The following ZNF33A variants were observed in gnomAD, a reference collection of about 807,000 sequenced individuals.
ZNF33A encodes the protein zinc finger protein 33A.
ZNF33A carries 9 observed loss-of-function variants against 15.9 expected under a neutral mutation model. The ratio of observed to expected loss-of-function variants is 0.57; its 90% CI spans 0.34 to 0.99. The LOEUF is 0.99. Among genes scored for constraint, ZNF33A ranks in the 50% least tolerant of loss-of-function variants. The pLI, the probability that ZNF33A is intolerant of heterozygous loss-of-function variation, is 0.02. For synonymous variants in ZNF33A, 294 were observed against 324.2 expected, an observed-to-expected ratio of 0.91 and a Z score of 1.00; for missense variants, 843 against 941.6, an observed-to-expected ratio of 0.90 and a Z score of 1.37.
intron 4 of ZNF33A, among the ~76,000 whole-genome samples, chr10:38,037,613 T>C (rs188756169): frequency 5.9e-5 from 9 of 152,312 alleles, no homozygotes; most frequent in African/African-American, 2.2e-4. Flanking sequence ...TGTGAACTAC[T>C]GTGCCCAGCC....
intron 4 of ZNF33A, among the ~76,000 whole-genome samples, chr10:38,052,282 A>C (rs546711591): frequency 6.6e-6 from 1 of 152,176 alleles, no homozygotes; most frequent in Non-Finnish European, 1.5e-5. Flanking sequence ...AGGTGGCAGG[A>C]GAAAAATATG....
At chr10:38,021,556 G>A (rs1434612323) in intron 4 of ZNF33A, among the ~76,000 whole-genome samples, 5 of 152,120 alleles carry the variant, frequency 3.3e-5, no homozygotes, top group Non-Finnish European at 5.9e-5. Context: ...TAGGAGAATC[G>A]CTTGAACTGG....
chr10:38,024,072 A>C (rs2064869015), intron 4 of ZNF33A, among the ~76,000 whole-genome samples: 1 of 150,268 alleles, frequency 6.7e-6, no homozygotes, highest in African/African-American at 2.5e-5. Flanking sequence ...GAATTGCTTC[A>C]ACCTGGAAGG....
rs2066499939 is a variant in ZNF33A, at chr10:38,056,639, C to T, written c.*79C>T. 2 of 1,476,064 alleles carry T rather than the reference C, an allele frequency of 1.4e-6. No individual in the cohort carries two copies. Among genetic ancestry groups the T allele is most frequent in the Non-Finnish European group, 1.8e-6 (2 of 1,119,960 alleles). The allele number at this position is 1,476,064 out of a possible 1,614,324, so 91.4% of individuals were successfully genotyped here. A position where few individuals can be genotyped will look rare whatever the true frequency, so the allele number is the denominator to read the frequency against. On this transcript the variant is annotated 3_prime_UTR_variant, in exon 5 of 5. Transcript: ENST00000432900. ...ATAGACTACAACAATTATAGGACAG[C>T]TTTTGTTAGGAAGTGATATTCTATG...
At chr10:38,062,621 T>C (rs2066668041), downstream of ZNF33A, among the ~76,000 whole-genome samples, 1 of 152,128 alleles carries the variant, frequency 6.6e-6, no homozygotes, top group Non-Finnish European at 1.5e-5. Context: ...ATCTGAAGGA[T>C]TGCTTGAGCC....
At chr10:38,038,742 T>C (rs1412004534) in intron 4 of ZNF33A, among the ~76,000 whole-genome samples, 2 of 152,214 alleles carry the variant, frequency 1.3e-5, no homozygotes, top group African/African-American at 4.8e-5. Context: ...TTAATCAGGC[T>C]GAGGAAGTTT....
Position 38,056,892 on chromosome 10 carries a change from T to C in ZNF33A, c.*332T>C. The stretch of plus-strand genomic sequence containing the variant: ...AGGGCACCTAACAATAATTTATAGA[T>C]GTATATTGTGGAATGTAAAGCTTTA... On this transcript the variant is annotated 3_prime_UTR_variant, in exon 5 of 5. Coordinates refer to ENST00000432900, the MANE Select transcript of ZNF33A (RefSeq NM_006954.2). 6 of 993,326 alleles carry C rather than the reference T, an allele frequency of 6.0e-6. 1 individual carries two copies. In the South Asian group the frequency reaches 2.7e-4, roughly 44 times the overall value. The allele number at this position is 993,326 out of a possible 1,614,324, so 61.5% of individuals were successfully genotyped here. A position where few individuals can be genotyped will look rare whatever the true frequency, so the allele number is the denominator to read the frequency against.
rs1309396230 is a variant in ZNF33A, at chr10:38,059,994, G to T, written c.*3434G>T. On this transcript the variant is annotated 3_prime_UTR_variant, in exon 5 of 5. Coordinates refer to ENST00000432900, the MANE Select transcript of ZNF33A (RefSeq NM_006954.2). ...CTCTATACTTTTTGCTCAACTTTCTGTAACCCTAAAGCTACTCTAAAAAAT... is the reference window on the plus strand; with the variant it reads ...CTCTATACTTTTTGCTCAACTTTCTTTAACCCTAAAGCTACTCTAAAAAAT... 1 of 941,864 alleles carries T rather than the reference G, an allele frequency of 1.1e-6. No homozygotes were observed. The highest frequency in any genetic ancestry group is 1.8e-5 in the African/African-American group (1 of 56,352). The allele number at this position is 941,864 out of a possible 1,614,324, so 58.3% of individuals were successfully genotyped here. A position where few individuals can be genotyped will look rare whatever the true frequency, so the allele number is the denominator to read the frequency against.
intron 4 of ZNF33A, among the ~76,000 whole-genome samples, chr10:38,021,345 GA>G (rs988023958): frequency 6.7e-6 from 1 of 149,744 alleles, no homozygotes; most frequent in Non-Finnish European, 1.5e-5. Flanking sequence ...TGATTGAGCT[GA>G]AAAGAGAAAA....
At chr10:38,012,406 A>G in intron 2 of ZNF33A, 56 bp downstream of exon 2, 2 of 1,405,760 alleles carry the variant, frequency 1.4e-6, no homozygotes, top group South Asian at 1.2e-5. Flanking sequence ...TGAGATTTGT[A>G]AGAGTCGATA....
chr10:38,050,635 G>C (rs532113539), intron 4 of ZNF33A, among the ~76,000 whole-genome samples: 1 of 152,198 alleles, frequency 6.6e-6, no homozygotes. Context: ...TGTGTGGGTA[G>C]CCAGGGCCAT....
chr10:38,028,844 T>G (rs887904758), intron 4 of ZNF33A, among the ~76,000 whole-genome samples: 4 of 152,212 alleles, frequency 2.6e-5, no homozygotes, highest in Non-Finnish European at 5.9e-5. Context: ...TTTTTAGATA[T>G]TGCCTTTGTA....
intron 4 of ZNF33A, among the ~76,000 whole-genome samples, chr10:38,037,508 T>C (rs1303109550): frequency 1.3e-5 from 2 of 151,946 alleles, no homozygotes; most frequent in Non-Finnish European, 2.9e-5. Flanking sequence ...GTATTTTTAG[T>C]AGAGATGGAG....
intron 4 of ZNF33A, among the ~76,000 whole-genome samples, chr10:38,029,191 T>C (rs1273637317): frequency 2.6e-5 from 4 of 152,224 alleles, no homozygotes; most frequent in Admixed American, 1.3e-4. Flanking sequence ...AGTTTGTTTT[T>C]ATTTCATCTT....
chr10:38,047,190 CAAAAAAAAAA>C (rs61278605), intron 4 of ZNF33A, among the ~76,000 whole-genome samples: 146 of 64,054 alleles, frequency 2.3e-3, no homozygotes, highest in South Asian at 0.02. Flanking sequence ...CCACCCCTGC[CAAAAAAAAAA>C]AAAAAAAAAA....
intron 4 of ZNF33A, among the ~76,000 whole-genome samples, chr10:38,043,547 G>GT (rs1406651040): frequency 1.3e-5 from 2 of 151,574 alleles, no homozygotes; most frequent in Non-Finnish European, 2.9e-5. Context: ...GTCAAATTCT[G>GT]TAAGTCTTAG....
At chr10:38,028,110 A>T (rs1028746124) in intron 4 of ZNF33A, among the ~76,000 whole-genome samples, 1 of 151,990 alleles carries the variant, frequency 6.6e-6, no homozygotes, top group African/African-American at 2.4e-5. Flanking sequence ...CTACAAAAAA[A>T]TAAAATAAAT....
At chr10:38,053,334 C>G (rs2066297806) in intron 4 of ZNF33A, among the ~76,000 whole-genome samples, 1 of 151,994 alleles carries the variant, frequency 6.6e-6, no homozygotes, top group African/African-American at 2.4e-5. Context: ...CTCACACAGC[C>G]TTTTCTCTGT....
At position 38,055,973 on chromosome 10, in the gene ZNF33A, G is replaced by A. The variant is rs748951258; in HGVS notation, c.1849G>A (p.Ala617Thr). 1 of 1,613,240 alleles carries A rather than the reference G, an allele frequency of 6.2e-7. No homozygotes were observed. Among genetic ancestry groups the A allele is most frequent in the Non-Finnish European group, 8.5e-7 (1 of 1,179,822 alleles). Reference sequence around the variant, plus strand: ...CTATGAATGTAATGAATGTGGAAAAGCCTTCTACCAGAAGTCACAACTCAC... The same window carrying A: ...CTATGAATGTAATGAATGTGGAAAAACCTTCTACCAGAAGTCACAACTCAC... ...KPYECNECGK[A>T]FYQKSQLTQH... The change falls in exon 5 of 5, where the codon GCC becomes ACC. Residue 617 changes from alanine to threonine, a missense_variant. Coordinates refer to ENST00000432900, the MANE Select transcript of ZNF33A (RefSeq NM_006954.2).
Sources: gnomAD v4.1 joint callset for allele counts (sites outside exome capture counted in the v4.1 genomes callset) on GRCh38, gnomAD v4.1.1 for gene constraint, MANE v1.5 for transcripts, NCBI Gene and HGNC (gene_info 2026-07-23, HGNC 2026-07-21) for gene names.